ALG9: variants seen among roughly 807,000 people sequenced by gnomAD.
The protein encoded by ALG9 is alpha-1,2-mannosyltransferase ALG9.
Under a neutral mutation model 81.8 loss-of-function variants are expected in ALG9, and 55 were observed. The observed-to-expected ratio is 0.67, with a 90% CI of 0.54 to 0.84. The LOEUF (loss-of-function observed/expected upper bound fraction) is 0.84, where lower values mean the gene tolerates loss of function less well. Among genes scored for constraint, ALG9 ranks in the 40% least tolerant of loss-of-function variants. The probability of loss-of-function intolerance (pLI) is 0.00; values close to 1 mark genes in which losing one functional copy is unlikely to be tolerated. For missense variants in ALG9, 629 were observed against 745.0 expected (o/e 0.84, Z 1.81); for synonymous variants, 278 against 274.3 (o/e 1.01, Z -0.13).
rs1438937308 is a variant in ALG9 at position 111,785,851 on chromosome 11, G to A, written c.*546C>T. On this transcript the variant is annotated 3_prime_UTR_variant, in exon 15 of 15. Coordinates refer to ENST00000616540, the MANE Select transcript of ALG9 (RefSeq NM_024740.2). ...CTGTGAAGTGCTTTAAAGAAGCTTA[G>A]TCTTGCTGGAGGTGAAAAGGACATG... is the stretch of plus-strand genomic sequence containing the variant. 1.4e-5 allele frequency: 5 copies of A among 361,996 alleles called. No homozygotes were observed. The highest frequency in any genetic ancestry group is 1.1e-4 in the Admixed American group (3 of 26,720). 22.4% of individuals were successfully genotyped at this position (361,996 alleles called of 1,614,324 possible).
intron 13 of ALG9, among the ~76,000 whole-genome samples, chr11:111,815,194 T>C (rs577115346): frequency 6.6e-6 from 1 of 152,266 alleles, no homozygotes; most frequent in Admixed American, 6.5e-5. Flanking sequence ...TAGAAAGATA[T>C]CAAGGCCCAA....
At chr11:111,781,057 A>G (rs572183135), downstream of ALG9, among the ~76,000 whole-genome samples, 11 of 152,358 alleles carry the variant, frequency 7.2e-5, no homozygotes, top group East Asian at 7.7e-4. Context: ...ACAGTAACAA[A>G]TAGGGAGAAA....
intron 12 of ALG9, chr11:111,836,856 A>C (rs1202954134): frequency 1.2e-5 from 2 of 166,402 alleles, no homozygotes; most frequent in African/African-American, 4.8e-5. Flanking sequence ...CAGTAAAGCC[A>C]AGCTACTGAA....
chr11:111,849,190 AAAG>A (rs1957377394), intron 8 of ALG9, among the ~76,000 whole-genome samples: 1 of 152,094 alleles, frequency 6.6e-6, no homozygotes, highest in African/African-American at 2.4e-5. Context: ...AGCTAGGATT[AAAG>A]GCATGCACCA....
intron 10 of ALG9, 145 bp from the exon 11 acceptor site, chr11:111,838,544 G>A: frequency 1.4e-6 from 1 of 694,856 alleles, no homozygotes; most frequent in South Asian, 2.0e-5. Flanking sequence ...TAAGATAAAA[G>A]CCAACTCCTC....
At chr11:111,793,501 C>T (rs1055621696) in intron 14 of ALG9, among the ~76,000 whole-genome samples, 2 of 152,160 alleles carry the variant, frequency 1.3e-5, no homozygotes, top group East Asian at 1.9e-4. Flanking sequence ...GTGGCTCACG[C>T]CTGTAATCCC....
intron 13 of ALG9, among the ~76,000 whole-genome samples, chr11:111,832,271 C>CT (rs1186490200): frequency 6.6e-6 from 1 of 151,964 alleles, no homozygotes; most frequent in Non-Finnish European, 1.5e-5. Context: ...CATTTTTAAT[C>CT]TTTTTTTAAT....
chr11:111,846,862 A>G (rs1187648332), intron 8 of ALG9, among the ~76,000 whole-genome samples: 1 of 152,206 alleles, frequency 6.6e-6, no homozygotes, highest in East Asian at 1.9e-4. Flanking sequence ...ACTATGCAAA[A>G]AACCATGTCA....
At chr11:111,842,271 T>C (rs1270741073) in intron 9 of ALG9, among the ~76,000 whole-genome samples, 2 of 152,212 alleles carry the variant, frequency 1.3e-5, no homozygotes, top group East Asian at 3.8e-4. Flanking sequence ...TTCTCTTCTG[T>C]ACCTTAAAGG....
At chr11:111,787,614 G>A (rs1946670298) in intron 14 of ALG9, among the ~76,000 whole-genome samples, 3 of 151,090 alleles carry the variant, frequency 2.0e-5, no homozygotes, top group Non-Finnish European at 4.4e-5. Context: ...CCACCACCAC[G>A]ACCGGCTAAT....
intron 14 of ALG9, chr11:111,805,106 AT>A: frequency 2.8e-6 from 1 of 359,784 alleles, no homozygotes; most frequent in South Asian, 2.1e-5. Flanking sequence ...ATGTGATGGT[AT>A]TTGGAGGTGG....
chr11:111,810,759 AT>A (rs1950585245), intron 13 of ALG9, among the ~76,000 whole-genome samples: 1 of 152,236 alleles, frequency 6.6e-6, no homozygotes, highest in Non-Finnish European at 1.5e-5. Flanking sequence ...CTTCAAAAAA[AT>A]ATTTTTAAAA....
chr11:111,840,431 G>C (rs556040778), intron 10 of ALG9, among the ~76,000 whole-genome samples: 20 of 152,274 alleles, frequency 1.3e-4, no homozygotes, highest in Middle Eastern at 3.4e-3. Flanking sequence ...CAGAGGCAAA[G>C]TAACACACAA....
chr11:111,792,253 C>T (rs1947552768), intron 14 of ALG9, among the ~76,000 whole-genome samples: 1 of 152,318 alleles, frequency 6.6e-6, no homozygotes. Context: ...CCCTCCCCCA[C>T]AAAACACACC....
At chr11:111,779,252 C>T (rs931679098), downstream of ALG9, among the ~76,000 whole-genome samples, 14 of 152,130 alleles carry the variant, frequency 9.2e-5, no homozygotes, top group Non-Finnish European at 1.6e-4. Context: ...CAAAAACGCA[C>T]GCCCTTCTCA....
chr11:111,833,763 G>A (rs1330659665), intron 13 of ALG9, among the ~76,000 whole-genome samples: 1 of 152,168 alleles, frequency 6.6e-6, no homozygotes, highest in Non-Finnish European at 1.5e-5. Context: ...CAGCATTTTG[G>A]TGACTCCTAC....
chr11:111,860,464 A>G, intron 5 of ALG9, 83 bp downstream of exon 5: 1 of 1,124,246 alleles, frequency 8.9e-7, no homozygotes, highest in Non-Finnish European at 1.4e-6. Flanking sequence ...ACTGTGAACT[A>G]TTGGTGAACC....
intron 6 of ALG9, among the ~76,000 whole-genome samples, chr11:111,856,817 G>A (rs1260385516): frequency 6.6e-6 from 1 of 152,058 alleles, no homozygotes; most frequent in Non-Finnish European, 1.5e-5. Flanking sequence ...AAGAAAGAAG[G>A]AAGACTGGGC....
At chr11:111,820,922 A>T (rs686000) in intron 13 of ALG9, among the ~76,000 whole-genome samples, 1 of 71,470 alleles carries the variant, frequency 1.4e-5, no homozygotes, top group Non-Finnish European at 3.4e-5. Flanking sequence ...ACACGCGCGC[A>T]CACACACACA....
Sources: gnomAD v4.1 joint callset for allele counts (sites outside exome capture counted in the v4.1 genomes callset) on GRCh38, gnomAD v4.1.1 for gene constraint, MANE v1.5 for transcripts, NCBI Gene and HGNC (gene_info 2026-07-23, HGNC 2026-07-21) for gene names.